The following OPCML variants were observed in gnomAD, a reference collection of about 807,000 sequenced individuals.
OPCML encodes the protein opioid binding protein/cell adhesion molecule like.
OPCML carries 13 observed loss-of-function variants against 37.8 expected under a neutral mutation model. The ratio of observed to expected loss-of-function variants is 0.34; its 90% confidence interval spans 0.22 to 0.55. The LOEUF (loss-of-function observed/expected upper bound fraction) is 0.55, where lower values mean the gene tolerates loss of function less well. OPCML is among the 20% of genes least tolerant of loss of function. The pLI is 0.91. For missense variants in OPCML, 341 were observed against 435.6 expected (o/e 0.78, Z 1.93); for synonymous variants, 176 against 168.8 (o/e 1.04, Z -0.33).
intron 2 of OPCML, among the ~76,000 whole-genome samples, chr11:132,747,314 G>A (rs935353548): frequency 9.2e-5 from 14 of 152,250 alleles, no homozygotes; most frequent in African/African-American, 1.4e-4. Context: ...ATGAACAACC[G>A]TGTAAAATTG....
chr11:132,820,222 C>A (rs905272309), intron 2 of OPCML, among the ~76,000 whole-genome samples: 1 of 152,124 alleles, frequency 6.6e-6, no homozygotes, highest in Non-Finnish European at 1.5e-5. Flanking sequence ...AATGGGGGTC[C>A]TGCTTTCACA....
chr11:133,196,276 C>T (rs113886251), intron 1 of OPCML, among the ~76,000 whole-genome samples: 3,671 of 152,304 alleles, frequency 0.024, 40 homozygotes, highest in African/African-American at 0.039. Flanking sequence ...GTGGATTTCT[C>T]AAACACGTTG....
At chr11:133,278,402 A>G (rs77769402) in intron 1 of OPCML, among the ~76,000 whole-genome samples, 1,865 of 152,312 alleles carry the variant, frequency 0.012, 37 homozygotes, top group African/African-American at 0.042. Flanking sequence ...CTTTACAGAT[A>G]CATGAGAATG....
intron 3 of OPCML, among the ~76,000 whole-genome samples, chr11:132,580,978 G>A (rs1052474901): frequency 6.6e-6 from 1 of 152,150 alleles, no homozygotes; most frequent in African/African-American, 2.4e-5. Flanking sequence ...GGGTCTGGGG[G>A]ATTTGAGTCC....
chr11:132,470,770 C>T (rs1283096977), intron 4 of OPCML, among the ~76,000 whole-genome samples: 1 of 152,138 alleles, frequency 6.6e-6, no homozygotes, highest in African/African-American at 2.4e-5. Context: ...GATTGAAACC[C>T]AGATTGTCTG....
intron 1 of OPCML, among the ~76,000 whole-genome samples, chr11:133,347,382 A>C (rs529186058): frequency 6.6e-6 from 1 of 152,312 alleles, no homozygotes; most frequent in East Asian, 1.9e-4. Context: ...ACATGATGGC[A>C]TTGCCTTAGC....
intron 1 of OPCML, among the ~76,000 whole-genome samples, chr11:133,138,904 A>G (rs1565466358): frequency 6.6e-6 from 1 of 152,206 alleles, no homozygotes; most frequent in Non-Finnish European, 1.5e-5. Context: ...TTCTCCATTC[A>G]TAAACCTAGA....
At chr11:132,624,338 A>T (rs1245185853) in intron 3 of OPCML, among the ~76,000 whole-genome samples, 1 of 152,232 alleles carries the variant, frequency 6.6e-6, no homozygotes, top group Admixed American at 6.5e-5. Context: ...TGGTATGATA[A>T]CAAGGTTATC....
chr11:133,140,572 A>AGAAGAAG (rs1565467437), intron 1 of OPCML, among the ~76,000 whole-genome samples: 3 of 147,892 alleles, frequency 2.0e-5, no homozygotes, highest in African/African-American at 7.4e-5. Context: ...AAGAAGAAGA[A>AGAAGAAG]GAAGAAAGAA....
At chr11:132,670,767 C>A (rs1417007830) in intron 2 of OPCML, among the ~76,000 whole-genome samples, 1 of 152,066 alleles carries the variant, frequency 6.6e-6, no homozygotes, top group Admixed American at 6.5e-5. Flanking sequence ...AGTTCTGGAG[C>A]ATAGTGAATA....
intron 1 of OPCML, among the ~76,000 whole-genome samples, chr11:133,481,444 A>AAAATAAATAAATAAAT (rs373209430): frequency 1.3e-4 from 20 of 150,214 alleles, no homozygotes; most frequent in African/African-American, 4.4e-4. Context: ...CCCAGTTAAA[A>AAAATAAATAAATAAAT]AAATAAATAA....
chr11:133,411,917 C>G (rs143378919), intron 1 of OPCML, among the ~76,000 whole-genome samples: 4 of 152,132 alleles, frequency 2.6e-5, no homozygotes, highest in Admixed American at 6.5e-5. Flanking sequence ...GGCTTCCCCC[C>G]ACACGTTGAC....
chr11:132,913,247 A>G (rs1242890109), intron 2 of OPCML, among the ~76,000 whole-genome samples: 1 of 152,214 alleles, frequency 6.6e-6, no homozygotes, highest in African/African-American at 2.4e-5. Context: ...GAGAGAAATT[A>G]TTCAGGAAAT....
chr11:133,531,377 G>A (rs1464174882), intron 1 of OPCML, among the ~76,000 whole-genome samples: 1 of 152,164 alleles, frequency 6.6e-6, no homozygotes, highest in East Asian at 1.9e-4. Context: ...TGAGAGGTGG[G>A]ATCACATTTA....
At chr11:133,293,596 CAG>C (rs1942542234) in intron 1 of OPCML, among the ~76,000 whole-genome samples, 1 of 152,166 alleles carries the variant, frequency 6.6e-6, no homozygotes, top group Non-Finnish European at 1.5e-5. Flanking sequence ...AAACACATGA[CAG>C]AGAGTAAACG....
intron 2 of OPCML, among the ~76,000 whole-genome samples, chr11:132,658,620 G>A (rs1320401488): frequency 1.3e-5 from 2 of 152,192 alleles, no homozygotes; most frequent in Non-Finnish European, 2.9e-5. Flanking sequence ...TTTATGAGCT[G>A]GCCCATCTGC....
intron 1 of OPCML, among the ~76,000 whole-genome samples, chr11:133,251,435 G>C (rs956069586): frequency 6.6e-6 from 1 of 151,832 alleles, no homozygotes; most frequent in Non-Finnish European, 1.5e-5. Flanking sequence ...ACAATCGCAG[G>C]TTCTCTCTGT....
chr11:132,713,385 A>C lies in OPCML; in HGVS notation c.147-56066T>G, dbSNP rs183293824. Among the ~76,000 whole-genome samples the C allele has an allele frequency of 2.7e-3, 414 of 152,288 alleles. 1 individual carries two copies. The highest frequency in any genetic ancestry group is 8.7e-3 in the African/African-American group (362 of 41,566). On this transcript the variant is annotated intron_variant, in intron 2 of 7. Coordinates refer to ENST00000524381, the MANE Select transcript of OPCML (RefSeq NM_001012393.5). ...ATCATTCTGTTTATCAATAAGGTGA[A>C]TATCTTAACCAGTATACAGTAAGAA...
chr11:132,663,584 A>T (rs1207720874), intron 2 of OPCML, among the ~76,000 whole-genome samples: 1 of 152,236 alleles, frequency 6.6e-6, no homozygotes, highest in Admixed American at 6.5e-5. Flanking sequence ...TCCTTGCATC[A>T]TATCAGGCTG....
Sources: gnomAD v4.1 joint callset for allele counts (sites outside exome capture counted in the v4.1 genomes callset) on GRCh38, gnomAD v4.1.1 for gene constraint, MANE v1.5 for transcripts, NCBI Gene and HGNC (gene_info 2026-07-23, HGNC 2026-07-21) for gene names.